CDC5L: variants seen among roughly 807,000 people sequenced by gnomAD.
CDC5L encodes cell division cycle 5 like.
In CDC5L, 18 loss-of-function variants were observed where a neutral mutation model predicts 104.1. The ratio of observed to expected loss-of-function variants is 0.17; its 90% confidence interval spans 0.12 to 0.26. CDC5L has a LOEUF of 0.26. Ranked by LOEUF, CDC5L falls within the 10% of genes least tolerant of loss-of-function variation. The pLI, the probability that CDC5L is intolerant of heterozygous loss-of-function variation, is 1.00. For missense variants in CDC5L, 673 were observed against 956.9 expected, an observed-to-expected ratio of 0.70 and a Z score of 3.91; for synonymous variants, 331 against 322.7, an observed-to-expected ratio of 1.03 and a Z score of -0.28.
In CDC5L at chr6:44,394,627, G is replaced by A. The variant is rs140569079; in HGVS notation, c.439+1054G>A. Among the ~76,000 whole-genome samples the A allele has an allele frequency of 6.6e-3, 1,008 of 151,900 alleles. 8 individuals are homozygous for A. Among genetic ancestry groups the A allele is most frequent in the African/African-American group, 0.023 (950 of 41,450 alleles). ...TCCCAGCACGTTGGGAGGCTGAGGT[G>A]GGCAGATCACTTGAGCCCAGGAGTT... is the stretch of plus-strand genomic sequence containing the variant. On this transcript the variant is annotated intron_variant, in intron 4 of 15. Transcript: ENST00000371477.
At chr6:44,413,944 C>G (rs981541153) in intron 8 of CDC5L, among the ~76,000 whole-genome samples, 1 of 152,192 alleles carries the variant, frequency 6.6e-6, no homozygotes, top group African/African-American at 2.4e-5. Context: ...CTCACCAACA[C>G]TTGTTTTCTG....
rs565485615 is a variant in CDC5L at position 44,414,312 on chromosome 6, A to C, written c.1093-5137A>C. 7.9e-5 allele frequency among the ~76,000 whole-genome samples: 12 copies of C among 151,532 alleles called. No homozygotes were observed. In the East Asian group the frequency reaches 2.3e-3, roughly 30 times the overall value. On this transcript the variant is annotated intron_variant, in intron 8 of 15. Transcript: ENST00000371477. Reference sequence around the variant, plus strand: ...AGGCTAGTCTTGAAGACCTGGGTTCAAGCGATCCTCCCACCTTGGCCTCCC... The same window carrying C: ...AGGCTAGTCTTGAAGACCTGGGTTCCAGCGATCCTCCCACCTTGGCCTCCC...
At chr6:44,442,533 T>C (rs1015897314) in intron 14 of CDC5L, among the ~76,000 whole-genome samples, 2 of 152,164 alleles carry the variant, frequency 1.3e-5, no homozygotes, top group Admixed American at 6.5e-5. Flanking sequence ...TAACGGTATT[T>C]TAAGTTGATA....
intron 13 of CDC5L, among the ~76,000 whole-genome samples, chr6:44,429,044 C>G (rs1242491509): frequency 1.8e-5 from 2 of 109,754 alleles, no homozygotes; most frequent in Non-Finnish European, 1.7e-5. Context: ...TTTTTTGAGA[C>G]TGAGTCTCAC....
In CDC5L at chr6:44,446,912, A is replaced by G. The variant is rs1414689016; in HGVS notation, c.*201A>G. ...GGACGGACATTTTAGAGTTTAAATT[A>G]TTAAGGCTATCATTCTTTTAGTAAT... On this transcript the variant is annotated 3_prime_UTR_variant, in exon 16 of 16. Coordinates refer to ENST00000371477, the MANE Select transcript of CDC5L (RefSeq NM_001253.4). The G allele has an allele frequency of 2.8e-6, 1 of 357,962 alleles. No individual in the cohort carries two copies. 22.2% of individuals were successfully genotyped at this position (357,962 alleles called of 1,614,324 possible).
At chr6:44,387,922 G>A in intron 1 of CDC5L, 54 bp downstream of exon 1, 1 of 1,530,090 alleles carries the variant, frequency 6.5e-7, no homozygotes, top group Non-Finnish European at 8.8e-7. Context: ...AGCAGCTTGT[G>A]CGCACGCGCG....
chr6:44,399,145 G>A (rs903445019), intron 5 of CDC5L, among the ~76,000 whole-genome samples: 2 of 152,186 alleles, frequency 1.3e-5, no homozygotes, highest in African/African-American at 4.8e-5. Context: ...TTGAGACGGA[G>A]TCTCGCTATG....
At chr6:44,425,896 T>C (rs982829283) in intron 11 of CDC5L, among the ~76,000 whole-genome samples, 2 of 151,938 alleles carry the variant, frequency 1.3e-5, no homozygotes, top group Non-Finnish European at 2.9e-5. Context: ...CTAGTAGACA[T>C]TGGAAGCTCT....
chr6:44,411,014 T>C (rs1791598906), intron 8 of CDC5L, among the ~76,000 whole-genome samples: 1 of 152,040 alleles, frequency 6.6e-6, no homozygotes, highest in Admixed American at 6.5e-5. Context: ...TATTTTTTTT[T>C]TTTACCATCT....
chr6:44,443,311 AT>A (rs1793298898), intron 14 of CDC5L, among the ~76,000 whole-genome samples: 3 of 150,528 alleles, frequency 2.0e-5, no homozygotes, highest in African/African-American at 7.3e-5. Context: ...TGACATTTTA[AT>A]TGTGATGTGT....
chr6:44,389,422 C>A (rs1400662660), intron 1 of CDC5L, among the ~76,000 whole-genome samples: 2 of 152,122 alleles, frequency 1.3e-5, no homozygotes, highest in East Asian at 3.9e-4. Flanking sequence ...TCAAGAGGCA[C>A]GTACCTCAAA....
At position 44,440,618 on chromosome 6, in the gene CDC5L, T is replaced by C. The variant is rs530709325; in HGVS notation, c.2092-5037T>C. ...ATGGAGTAAGATGTGATTTTTTCCATACACATATGTGAAGTGATTAAATCA... is the reference window on the plus strand; with the variant it reads ...ATGGAGTAAGATGTGATTTTTTCCACACACATATGTGAAGTGATTAAATCA... On this transcript the variant is annotated intron_variant, in intron 14 of 15. Transcript: ENST00000371477. Among the ~76,000 whole-genome samples the C allele has an allele frequency of 1.0e-3, 157 of 152,198 alleles. 10 individuals carry two copies. The South Asian group carries it at 0.032, about 31-fold the overall frequency.
Position 44,422,723 on chromosome 6 carries a change from G to T in CDC5L, c.1318G>T (p.Gly440Cys), listed in dbSNP as rs750389359. Residue 440 changes from glycine to cysteine, a missense_variant, in exon 10 of 16, where the codon GGT becomes TGT. Transcript: ENST00000371477. Reference sequence around the variant, plus strand: ...CAAACCAGTTATTAACTCTACTCCGGGTAGAACTCCTCTTCGAGACAAGTT... The same window carrying T: ...CAAACCAGTTATTAACTCTACTCCGTGTAGAACTCCTCTTCGAGACAAGTT... ...TPKPVINSTP[G>C]RTPLRDKLNI... 2 of 1,612,478 alleles carry T rather than the reference G, an allele frequency of 1.2e-6. No individual in the cohort carries two copies. Among genetic ancestry groups the T allele is most frequent in the South Asian group, 2.2e-5 (2 of 91,020 alleles).
chr6:44,427,359 G>A (rs1040175573), intron 13 of CDC5L, among the ~76,000 whole-genome samples: 10 of 152,276 alleles, frequency 6.6e-5, no homozygotes, highest in African/African-American at 2.2e-4. Flanking sequence ...GGGTCTCATC[G>A]TTGGAAGCAG....
At chr6:44,440,391 A>G (rs552827658) in intron 14 of CDC5L, among the ~76,000 whole-genome samples, 2 of 151,416 alleles carry the variant, frequency 1.3e-5, no homozygotes, top group African/African-American at 4.8e-5. Context: ...ACAGGTATGC[A>G]CCACCATGCC....
At chr6:44,424,311 A>G (rs2153381458) in intron 10 of CDC5L, 108 bp from the exon 11 acceptor site, 1 of 924,074 alleles carries the variant, frequency 1.1e-6, no homozygotes, top group South Asian at 1.7e-5. Flanking sequence ...ATGTACAGTT[A>G]TTTTGACTAG....
chr6:44,438,186 G>A (rs761214331), intron 14 of CDC5L, among the ~76,000 whole-genome samples: 1 of 152,180 alleles, frequency 6.6e-6, no homozygotes, highest in Non-Finnish European at 1.5e-5. Context: ...GGGCTCAAGC[G>A]ATCCACCTGC....
chr6:44,421,567 C>T (rs1006707211), intron 9 of CDC5L, among the ~76,000 whole-genome samples: 1 of 152,184 alleles, frequency 6.6e-6, no homozygotes, highest in African/African-American at 2.4e-5. Context: ...TCCCTCATTT[C>T]CTATGTTTAG....
At chr6:44,445,567 T>A (rs2153384657) in intron 14 of CDC5L, 88 bp from the exon 15 acceptor site, 1 of 835,996 alleles carries the variant, frequency 1.2e-6, no homozygotes, top group East Asian at 2.6e-5. Context: ...TTGAGACACA[T>A]ACATGAACGC....
Sources: allele counts gnomAD v4.1 joint callset (sites outside exome capture counted in the v4.1 genomes callset), GRCh38; gene constraint gnomAD v4.1.1; transcripts MANE v1.5; gene names NCBI Gene and HGNC (gene_info 2026-07-23, HGNC 2026-07-21).